The following FAM120AOS variants were observed in gnomAD, a reference collection of about 807,000 sequenced individuals.
FAM120AOS encodes uncharacterized protein FAM120AOS.
FAM120AOS carries 15 observed loss-of-function variants against 20.2 expected under a neutral mutation model. The ratio of observed to expected loss-of-function variants is 0.74; its 90% CI spans 0.50 to 1.15. The LOEUF (loss-of-function observed/expected upper bound fraction) is 1.15, where lower values mean the gene tolerates loss of function less well. Ranked by LOEUF, FAM120AOS falls within the 50% of genes most tolerant of loss-of-function variation. The pLI, the probability that FAM120AOS is intolerant of heterozygous loss-of-function variation, is 0.00. For synonymous variants in FAM120AOS, 154 were observed against 154.0 expected, an observed-to-expected ratio of 1.00 and a Z score of 0.00; for missense variants, 327 against 351.9, an observed-to-expected ratio of 0.93 and a Z score of 0.57.
In FAM120AOS at chr9:93,446,397, G is replaced by GT. The variant is rs1856846093; in HGVS notation, c.*1213dup. 1 of 152,098 alleles carries GT rather than the reference G, an allele frequency of 6.6e-6. No homozygotes were observed. 9.4% of individuals were successfully genotyped at this position (152,098 alleles called of 1,614,324 possible). ...AAAGATCTTTATGGTTTACACAAAT[G>GT]TAACAGACCACTTAACAATAGCTAG... is the stretch of plus-strand genomic sequence containing the variant. On this transcript the variant is annotated 3_prime_UTR_variant, in exon 3 of 3. Transcript: ENST00000375412.
At position 93,444,348 on chromosome 9, in the gene FAM120AOS, G is replaced by C. The variant is rs1277980134; in HGVS notation, c.*3263C>G. On this transcript the variant is annotated 3_prime_UTR_variant, in exon 3 of 3. Transcript: ENST00000375412. ...AGCCACCGTGTCCAGCCTGACTAGG[G>C]TCATCTTTAGGTCAGGACTGAGAGA... Among the ~76,000 whole-genome samples the C allele has an allele frequency of 6.6e-6, 1 of 152,026 alleles. No individual in the cohort carries two copies. Among genetic ancestry groups the C allele is most frequent in the Non-Finnish European group, 1.5e-5 (1 of 67,994 alleles).
rs1245752140 is a variant in FAM120AOS at position 93,444,761 on chromosome 9, T to C, written c.*2850A>G. ...TCCCTAGTAGCTGGGATTACAGGCA[T>C]GTGCCACCACGCCTAGCTGATTTTG... On this transcript the variant is annotated 3_prime_UTR_variant, in exon 3 of 3. Transcript: ENST00000375412. 1.3e-5 allele frequency among the ~76,000 whole-genome samples: 2 copies of C among 152,064 alleles called. No individual in the cohort carries two copies. The highest frequency in any genetic ancestry group is 4.8e-5 in the African/African-American group (2 of 41,434).
intron 1 of FAM120AOS, chr9:93,451,386 T>G: frequency 7.2e-7 from 1 of 1,397,728 alleles, no homozygotes; most frequent in Non-Finnish European, 9.3e-7. Flanking sequence ...GCGGCCTCTC[T>G]GGCCCTGCCG....
chr9:93,453,578 G>A lies in FAM120AOS; in HGVS notation c.-869C>T. The A allele has an allele frequency of 1.0e-6, 1 of 985,414 alleles. No homozygotes were observed. Among genetic ancestry groups the A allele is most frequent in the South Asian group, 4.7e-5 (1 of 21,278 alleles). 61.0% of individuals were successfully genotyped at this position (985,414 alleles called of 1,614,324 possible). ...CCCGCGAGGAGATGGTGGTAGTTAA[G>A]CCTAAAATGATAGCGGAAGTCCCAC... On this transcript the variant is annotated 5_prime_UTR_variant, in exon 1 of 3. Transcript: ENST00000375412.
In FAM120AOS at chr9:93,452,568, C is replaced by A; in HGVS notation, c.142G>T (p.Gly48Cys). The change falls in exon 1 of 3, where the codon GGC (glycine) becomes TGC (cysteine). Residue 48 changes from glycine to cysteine, a missense_variant. Physicochemically the swap from Gly to Cys is radical, Grantham distance 159 (BLOSUM62 -3). Around this residue, in one of 3 missense-constraint regions of FAM120AOS, gnomAD observed 155 missense variants for 128.8 expected, o/e 1.20. Transcript: ENST00000375412. This position sits in a 1 kb window ranked among gnomAD's most constrained non-coding sequence, Gnocchi z 7.0. ...AAGATGGATGGCCGCGGGTGCAGGC[C>A]GCGCGCTGCCCAAGCCCGTCTCCAG... ...DSWRRAWAAR[G>C]LHPRPSILQP... 1 of 1,591,358 alleles carries A rather than the reference C, an allele frequency of 6.3e-7. No individual in the cohort carries two copies. The highest frequency in any genetic ancestry group is 8.5e-7 in the Non-Finnish European group (1 of 1,175,878).
In FAM120AOS at chr9:93,450,462, AG is replaced by A. The variant is rs1857084840; in HGVS notation, c.684+16del. The A allele has an allele frequency of 6.5e-7, 1 of 1,549,770 alleles. No homozygotes were observed. The highest frequency in any genetic ancestry group is 1.4e-5 in the African/African-American group (1 of 72,274). On this transcript the variant is annotated intron_variant, in intron 2 of 2. Coordinates refer to ENST00000375412, the MANE Select transcript of FAM120AOS (RefSeq NM_198841.4). ...TGAGGTGGGTATCAGAAAAGAAAGC[AG>A]AAAAATCCAACTTGCCTTTTTCACC...
In FAM120AOS at chr9:93,444,367, TGA is replaced by T. The variant is rs1353918187; in HGVS notation, c.*3242_*3243del. On this transcript the variant is annotated 3_prime_UTR_variant, in exon 3 of 3. Transcript: ENST00000375412. ...ACTAGGGTCATCTTTAGGTCAGGAC[TGA>T]GAGAGAAAAAGTTTAAAAAAGGAAA... 1.3e-5 allele frequency among the ~76,000 whole-genome samples: 2 copies of T among 151,990 alleles called. No homozygotes were observed. The highest frequency in any genetic ancestry group is 4.8e-5 in the African/African-American group (2 of 41,358).
intron 1 of FAM120AOS, chr9:93,451,166 C>T: frequency 6.5e-7 from 1 of 1,550,182 alleles, no homozygotes; most frequent in Non-Finnish European, 8.7e-7. Context: ...TCCCGCTCTC[C>T]CGGACCCCGC....
intron 2 of FAM120AOS, chr9:93,448,490 C>A: frequency 4.8e-6 from 1 of 209,284 alleles, no homozygotes; most frequent in Non-Finnish European, 1.0e-5. Context: ...AAGACTCCAT[C>A]TTGGGGGAGA....
intron 2 of FAM120AOS, 100 bp from the exon 3 acceptor site, chr9:93,447,797 C>G: frequency 3.0e-6 from 3 of 1,012,116 alleles, no homozygotes; most frequent in Non-Finnish European, 4.4e-6. Flanking sequence ...CTGTGGAGCT[C>G]TCCTACCCTC....
chr9:93,445,223 T>C lies in FAM120AOS; in HGVS notation c.*2388A>G, dbSNP rs1856807166. Among the ~76,000 whole-genome samples, 1 of 152,180 alleles carries C rather than the reference T, an allele frequency of 6.6e-6. No homozygotes were observed. The highest frequency in any genetic ancestry group is 6.5e-5 in the Admixed American group (1 of 15,276). ...GGGGATATTCAGCATTCCTTTTCCC[T>C]TCCTAAAGGTACTCAGGTTTCTTTC... On this transcript the variant is annotated 3_prime_UTR_variant, in exon 3 of 3. Transcript: ENST00000375412.
At position 93,444,636 on chromosome 9, in the gene FAM120AOS, C is replaced by T. The variant is rs896592713; in HGVS notation, c.*2975G>A. On this transcript the variant is annotated 3_prime_UTR_variant, in exon 3 of 3. Transcript: ENST00000375412. ...CTGCTTTTTTTTTTTTTTCCTGAGA[C>T]GGAGTTTCGCTCTTGTTGCCCAGGC... 4.7e-5 allele frequency among the ~76,000 whole-genome samples: 7 copies of T among 149,300 alleles called. No homozygotes were observed. The East Asian group carries it at 9.9e-4, about 21-fold the overall frequency.
Position 93,452,459 on chromosome 9 carries a change from C to T in FAM120AOS, c.251G>A (p.Cys84Tyr), listed in dbSNP as rs1857290295. The T allele has an allele frequency of 1.9e-6, 3 of 1,550,746 alleles. No homozygotes were observed. The highest frequency in any genetic ancestry group is 2.6e-6 in the Non-Finnish European group (3 of 1,151,172). ...CACCCCTATCCCCCTTCCCAGGGCG[C>T]AGAATGTCGCCCGGCCGTGGCGGCG... ...PQRRHGRATF[C>Y]ALGRGIGVRR... The change falls in exon 1 of 3, where the codon TGC becomes TAC. Residue 84 changes from cysteine to tyrosine, a missense_variant. Physicochemically the swap from Cys to Tyr is radical, Grantham distance 194. This residue lies in a region of FAM120AOS where 155 missense variants were observed against 128.8 expected (regional missense o/e 1.20). Transcript: ENST00000375412. The surrounding 1 kb of genome is among the most constrained non-coding windows in gnomAD (Gnocchi z 7.0).
At chr9:93,449,679 G>A (rs377437354) in intron 2 of FAM120AOS, among the ~76,000 whole-genome samples, 1 of 151,842 alleles carries the variant, frequency 6.6e-6, no homozygotes, top group Non-Finnish European at 1.5e-5. Flanking sequence ...GTAGAGATGG[G>A]GTTTTACCAT....
intron 1 of FAM120AOS, chr9:93,451,323 C>CGA: frequency 2.1e-6 from 3 of 1,439,832 alleles, no homozygotes; most frequent in Non-Finnish European, 2.7e-6. Context: ...CGAGCTCTTC[C>CGA]CCAGGACCTG....
intron 2 of FAM120AOS, among the ~76,000 whole-genome samples, chr9:93,450,190 T>C (rs974626103): frequency 6.6e-6 from 1 of 151,904 alleles, no homozygotes; most frequent in Non-Finnish European, 1.5e-5. Flanking sequence ...GGTTTCACCA[T>C]GTTGGCCAGG....
At chr9:93,451,364 C>T (rs560441220) in intron 1 of FAM120AOS, 3 of 1,418,744 alleles carry the variant, frequency 2.1e-6, no homozygotes, top group African/African-American at 1.4e-5. Flanking sequence ...CGAGAACCAC[C>T]GGGCGGAGGC....
At chr9:93,451,564 C>A (rs1361131222) in intron 1 of FAM120AOS, 1 of 984,880 alleles carries the variant, frequency 1.0e-6, no homozygotes, top group Non-Finnish European at 1.2e-6. Context: ...CGAGCCGCGT[C>A]CCGCCGGCGC....
intron 2 of FAM120AOS, among the ~76,000 whole-genome samples, chr9:93,449,897 C>T (rs992761058): frequency 2.6e-5 from 4 of 152,198 alleles, no homozygotes; most frequent in South Asian, 4.1e-4. Flanking sequence ...CTACTCCTCA[C>T]CTTGTGAACC....
Sources: gnomAD v4.1 joint callset for allele counts (sites outside exome capture counted in the v4.1 genomes callset) on GRCh38, gnomAD v4.1.1 for gene constraint, gnomAD v4.1.1 regional missense constraint, Gnocchi (gnomAD v3.1) non-coding constraint, MANE v1.5 for transcripts, NCBI Gene and HGNC (gene_info 2026-07-23, HGNC 2026-07-21) for gene names.